Variants in TRIM55 observed in about 807,000 individuals in gnomAD.
TRIM55 encodes the protein tripartite motif containing 55, also known as tripartite motif-containing protein 55.
A neutral mutation model predicts 60.9 loss-of-function variants in TRIM55; 50 were observed. The ratio of observed to expected loss-of-function variants is 0.82; its 90% CI spans 0.65 to 1.04. The LOEUF is 1.04. Among genes scored for constraint, TRIM55 ranks in the 50% least tolerant of loss-of-function variants. The pLI is 0.00. For missense variants in TRIM55, 681 were observed against 666.9 expected (o/e 1.02, Z -0.23); for synonymous variants, 237 against 238.1 (o/e 1.00, Z 0.04).
At chr8:66,125,065 C>T (rs1808767637), upstream of TRIM55, among the ~76,000 whole-genome samples, 2 of 152,198 alleles carry the variant, frequency 1.3e-5, no homozygotes, top group African/African-American at 4.8e-5. Context: ...CAGAAGAATG[C>T]AACTGTTTGC....
intron 4 of TRIM55, among the ~76,000 whole-genome samples, chr8:66,147,386 G>A (rs950523142): frequency 6.6e-6 from 1 of 152,172 alleles, no homozygotes; most frequent in South Asian, 2.1e-4. Context: ...AGTAAGGGAT[G>A]TATTTCTTGC....
At chr8:66,135,208 G>C in intron 3 of TRIM55, 53 bp downstream of exon 3, 1 of 1,597,114 alleles carries the variant, frequency 6.3e-7, no homozygotes, top group Non-Finnish European at 8.6e-7. Flanking sequence ...CCACACCTTA[G>C]GGCCTTCCTG....
intron 2 of TRIM55, among the ~76,000 whole-genome samples, chr8:66,132,558 C>A (rs144815580): frequency 0.02 from 2,982 of 152,288 alleles, 51 homozygotes; most frequent in Non-Finnish European, 0.031. Flanking sequence ...ACCTCAGAGA[C>A]CAGAGACAGC....
At chr8:66,123,457 A>G (rs1016914150), upstream of TRIM55, among the ~76,000 whole-genome samples, 5 of 152,162 alleles carry the variant, frequency 3.3e-5, no homozygotes, top group Non-Finnish European at 7.3e-5. Flanking sequence ...ACATTCATCA[A>G]CTGGGCTCTT....
chr8:66,135,577 A>T (rs1473815463), intron 3 of TRIM55, among the ~76,000 whole-genome samples: 1 of 152,196 alleles, frequency 6.6e-6, no homozygotes, highest in Admixed American at 6.5e-5. Context: ...TCATCCACCC[A>T]TGAAAGATTT....
At position 66,152,489 on chromosome 8, in the gene TRIM55, T is replaced by C. The variant is rs770771007; in HGVS notation, c.1098T>C (p.Phe366=). The C allele has an allele frequency of 6.2e-7, 1 of 1,614,102 alleles. No homozygotes were observed. The highest frequency in any genetic ancestry group is 1.1e-5 in the South Asian group (1 of 91,078). Reference sequence around the variant, plus strand: ...AGGTAGAAAATGTTCAAACAGAGTTTCCAGGAGAAGATGAAAACCCAGAAA... The same window carrying C: ...AGGTAGAAAATGTTCAAACAGAGTTCCCAGGAGAAGATGAAAACCCAGAAA... ...VEEVENVQTE[F]PGEDENPEKA... Residue 366 remains phenylalanine, a synonymous_variant, in exon 8 of 10, where the codon TTT becomes TTC. Transcript: ENST00000315962.
Position 66,137,141 on chromosome 8 carries a change from G to A in TRIM55, c.554G>A (p.Arg185Gln), listed in dbSNP as rs367577432. ...GIAILVGSND[R>Q]VQGVISQLED... The stretch of plus-strand genomic sequence containing the variant: ...GCCATCCTCGTGGGCAGCAACGATC[G>A]AGTCCAGGGAGTGATCAGCCAGCTG... Residue 185 changes from arginine to glutamine, a missense_variant, in exon 4 of 10, where the codon CGA becomes CAA. Coordinates refer to ENST00000315962, the MANE Select transcript of TRIM55 (RefSeq NM_184085.2). 8.1e-6 allele frequency: 13 copies of A among 1,614,034 alleles called. No individual in the cohort carries two copies. The African/African-American group carries it at 1.1e-4, about 13-fold the overall frequency.
At chr8:66,127,547 C>T (rs1808878472) in intron 1 of TRIM55, 111 bp downstream of exon 1, 3 of 1,354,442 alleles carry the variant, frequency 2.2e-6, no homozygotes, top group Non-Finnish European at 1.0e-6. Flanking sequence ...TATAAGGTTG[C>T]CGGGCGCTTT....
At position 66,142,230 on chromosome 8, in the gene TRIM55, T is replaced by C. The variant is rs193061138; in HGVS notation, c.603+5040T>C. On this transcript the variant is annotated intron_variant, in intron 4 of 9. Coordinates refer to ENST00000315962, the MANE Select transcript of TRIM55 (RefSeq NM_184085.2). Reference sequence around the variant, plus strand: ...GATGATGTGATCCAATAGGAACCTCTAGAGATTCTGGAGCATCTTTTAAAT... The same window carrying C: ...GATGATGTGATCCAATAGGAACCTCCAGAGATTCTGGAGCATCTTTTAAAT... 8.2e-4 allele frequency among the ~76,000 whole-genome samples: 125 copies of C among 152,350 alleles called. 1 individual carries two copies. In the Middle Eastern group the frequency reaches 0.017, roughly 21 times the overall value.
At chr8:66,118,460 A>C in the TRIM55 span, among the ~76,000 whole-genome samples, 1 of 152,296 alleles carries the variant, frequency 6.6e-6, no homozygotes, top group East Asian at 1.9e-4. Context: ...TCACATATGC[A>C]AGCTACCTAT....
At chr8:66,162,922 A>G (rs1586246973) in intron 9 of TRIM55, among the ~76,000 whole-genome samples, 1 of 151,454 alleles carries the variant, frequency 6.6e-6, no homozygotes, top group African/African-American at 2.4e-5. Context: ...TAGATGAGAT[A>G]AGGATCAAAG....
At chr8:66,124,705 G>A (rs562295142), upstream of TRIM55, among the ~76,000 whole-genome samples, 4 of 152,320 alleles carry the variant, frequency 2.6e-5, no homozygotes, top group Non-Finnish European at 5.9e-5. Flanking sequence ...TGCCTCCCAC[G>A]TTATTCCTAA....
At chr8:66,139,437 C>T (rs763963097) in intron 4 of TRIM55, among the ~76,000 whole-genome samples, 52 of 152,012 alleles carry the variant, frequency 3.4e-4, no homozygotes, top group Non-Finnish European at 6.0e-4. Flanking sequence ...CTGAGTGGGC[C>T]GCAGAGATTT....
intron 9 of TRIM55, among the ~76,000 whole-genome samples, chr8:66,159,965 C>T (rs752049892): frequency 6.6e-6 from 1 of 152,100 alleles, no homozygotes; most frequent in Non-Finnish European, 1.5e-5. Context: ...AATAATTTCT[C>T]CCAGTCTGTG....
intron 1 of TRIM55, 147 bp from the exon 2 acceptor site, chr8:66,128,157 A>G (rs1481035630): frequency 2.8e-6 from 2 of 704,396 alleles, no homozygotes. Flanking sequence ...TTTCAGGACC[A>G]CTTGCTGAGA....
intron 9 of TRIM55, among the ~76,000 whole-genome samples, chr8:66,170,683 A>T (rs1483490815): frequency 6.6e-6 from 1 of 152,232 alleles, no homozygotes; most frequent in African/African-American, 2.4e-5. Context: ...TGGAACCCTC[A>T]TGCACTGCTG....
rs537646148 is a variant in TRIM55, at chr8:66,155,662, C to T, written c.1524+1328C>T. ...CCTAGCGCTTTTGGCTTTTCTTATT[C>T]TTCACTACATCTGGAGTCAGATTCA... On this transcript the variant is annotated intron_variant, in intron 9 of 9. Coordinates refer to ENST00000315962, the MANE Select transcript of TRIM55 (RefSeq NM_184085.2). 15 of 1,613,146 alleles carry T rather than the reference C, an allele frequency of 9.3e-6. No homozygotes were observed. In the South Asian group the frequency reaches 1.5e-4, roughly 17 times the overall value.
chr8:66,164,338 A>G (rs1811206455), intron 9 of TRIM55, among the ~76,000 whole-genome samples: 1 of 152,214 alleles, frequency 6.6e-6, no homozygotes, highest in African/African-American at 2.4e-5. Flanking sequence ...CAGTCTGATA[A>G]TTAGTTGTCA....
At chr8:66,149,404 A>G (rs777183596) in intron 4 of TRIM55, among the ~76,000 whole-genome samples, 8 of 152,248 alleles carry the variant, frequency 5.3e-5, no homozygotes, top group Non-Finnish European at 1.2e-4. Flanking sequence ...GAAGATTGAA[A>G]AACCATTGAT....
Sources: gnomAD v4.1 joint callset for allele counts (sites outside exome capture counted in the v4.1 genomes callset) on GRCh38, gnomAD v4.1.1 for gene constraint, MANE v1.5 for transcripts, NCBI Gene and HGNC (gene_info 2026-07-23, HGNC 2026-07-21) for gene names.